FGF14: variants seen among roughly 807,000 people sequenced by gnomAD.
The protein encoded by FGF14 is fibroblast growth factor 14, also known as fibroblast growth factor homologous factor 4.
A neutral mutation model predicts 25.5 loss-of-function variants in FGF14; 5 were observed. The ratio of observed to expected loss-of-function variants is 0.20; its 90% CI spans 0.10 to 0.41. FGF14 has a LOEUF of 0.41. Among genes scored for constraint, FGF14 ranks in the 10% least tolerant of loss-of-function variants. FGF14 has a pLI of 1.00. For missense variants in FGF14, 222 were observed against 320.1 expected (o/e 0.69, Z 2.34); for synonymous variants, 138 against 118.3 (o/e 1.17, Z -1.08).
chr13:102,039,719 T>C (rs1398658690), intron 1 of FGF14, among the ~76,000 whole-genome samples: 3 of 152,132 alleles, frequency 2.0e-5, no homozygotes, highest in Non-Finnish European at 4.4e-5. Flanking sequence ...TATGGTCACA[T>C]TAATAGGCAC....
chr13:102,047,718 T>C (rs530240726), intron 1 of FGF14, among the ~76,000 whole-genome samples: 20 of 152,148 alleles, frequency 1.3e-4, no homozygotes, highest in Non-Finnish European at 2.4e-4. Context: ...TTAGGAGATA[T>C]ACCTAATGCT....
At chr13:102,347,915 ATTT>A (rs2057159495) in intron 1 of FGF14, among the ~76,000 whole-genome samples, 1 of 152,124 alleles carries the variant, frequency 6.6e-6, no homozygotes, top group Non-Finnish European at 1.5e-5. Flanking sequence ...GGCAATCTCT[ATTT>A]ATAACAAAAA....
In FGF14 at chr13:101,763,415, T is replaced by C. The variant is rs116179520; in HGVS notation, c.409-36605A>G. On this transcript the variant is annotated intron_variant, in intron 3 of 4. Coordinates refer to ENST00000376143, the MANE Select transcript of FGF14 (RefSeq NM_004115.4). ...ATGAACAGTATTTTAAGGACCTAGTTCTTTTTTTCCTAATAAGGAAATACC... is the reference window on the plus strand; with the variant it reads ...ATGAACAGTATTTTAAGGACCTAGTCCTTTTTTTCCTAATAAGGAAATACC... Among the ~76,000 whole-genome samples the C allele has an allele frequency of 4.0e-3, 614 of 152,328 alleles. 5 individuals carry two copies. The highest frequency in any genetic ancestry group is 0.014 in the African/African-American group (597 of 41,580).
chr13:101,884,195 G>A (rs2045875793), intron 1 of FGF14, among the ~76,000 whole-genome samples: 1 of 151,816 alleles, frequency 6.6e-6, no homozygotes, highest in African/African-American at 2.4e-5. Flanking sequence ...CTCTCACGCT[G>A]CCCAGGTACC....
chr13:102,324,590 T>C (rs772856576), intron 1 of FGF14, among the ~76,000 whole-genome samples: 7 of 152,162 alleles, frequency 4.6e-5, no homozygotes, highest in East Asian at 1.9e-4. Context: ...TTTGACACAG[T>C]GGCTAGAACA....
chr13:102,315,566 A>T (rs769894336), intron 1 of FGF14, among the ~76,000 whole-genome samples: 5 of 152,162 alleles, frequency 3.3e-5, no homozygotes, highest in Non-Finnish European at 7.4e-5. Context: ...CAAAAAGGGA[A>T]CTCAATGGCA....
chr13:102,029,782 T>G (rs2041119275), intron 1 of FGF14, among the ~76,000 whole-genome samples: 1 of 152,152 alleles, frequency 6.6e-6, no homozygotes, highest in South Asian at 2.1e-4. Context: ...AACTGATGTT[T>G]TCTTTGGGAG....
chr13:102,394,566 C>T (rs752209476), intron 1 of FGF14: 2 of 152,268 alleles, frequency 1.3e-5, no homozygotes, highest in African/African-American at 2.4e-5. Flanking sequence ...GGTCAGAGGT[C>T]ATCTCCGTGG....
rs148833784 is a variant in FGF14, at chr13:101,755,517, A to G, written c.409-28707T>C. Among the ~76,000 whole-genome samples, 8 of 152,288 alleles carry G rather than the reference A, an allele frequency of 5.3e-5. No homozygotes were observed. The East Asian group carries it at 1.5e-3, about 29-fold the overall frequency. On this transcript the variant is annotated intron_variant, in intron 3 of 4. Transcript: ENST00000376143. ...TCTCTTCCAAAAAAAATGAGTAAAT[A>G]AAAAATAATGATCAAAAGAGTTGGC...
intron 1 of FGF14, among the ~76,000 whole-genome samples, chr13:102,011,486 C>T (rs1219643462): frequency 2.7e-5 from 4 of 150,328 alleles, no homozygotes; most frequent in African/African-American, 9.8e-5. Flanking sequence ...CTTTGCCATA[C>T]GCAGGAGTAT....
intron 3 of FGF14, among the ~76,000 whole-genome samples, chr13:101,807,251 T>C (rs1322702): frequency 0.88 from 133,550 of 152,116 alleles, 58,885 homozygotes; most frequent in Non-Finnish European, 0.92. Context: ...ATTTTGATCA[T>C]TGAAAAGAAT....
intron 1 of FGF14, among the ~76,000 whole-genome samples, chr13:102,152,633 G>A (rs925101695): frequency 6.6e-6 from 1 of 152,176 alleles, no homozygotes; most frequent in Non-Finnish European, 1.5e-5. Context: ...CAATACTGGT[G>A]TCAGGGAATT....
At chr13:101,879,752 T>TG (rs1027551833) in intron 1 of FGF14, among the ~76,000 whole-genome samples, 1 of 113,906 alleles carries the variant, frequency 8.8e-6, no homozygotes, top group African/African-American at 3.6e-5. Flanking sequence ...CTATTAGCTA[T>TG]GGAAAAAATC....
At position 101,754,722 on chromosome 13, in the gene FGF14, C is replaced by T. The variant is rs552542781; in HGVS notation, c.409-27912G>A. ...CCAGCCTGGGTGACGAAGTAAGACT[C>T]CATAACAAAAAGAAAAAAATAATAA... On this transcript the variant is annotated intron_variant, in intron 3 of 4. Coordinates refer to ENST00000376143, the MANE Select transcript of FGF14 (RefSeq NM_004115.4). 4.7e-4 allele frequency among the ~76,000 whole-genome samples: 71 copies of T among 152,028 alleles called. 1 individual carries two copies. In the Middle Eastern group the frequency reaches 0.024, roughly 51 times the overall value.
chr13:102,145,343 C>A (rs576331900), intron 1 of FGF14, among the ~76,000 whole-genome samples: 1 of 152,048 alleles, frequency 6.6e-6, no homozygotes, highest in African/African-American at 2.4e-5. Flanking sequence ...TGTTGGGTGA[C>A]GTCTGGATCT....
intron 3 of FGF14, among the ~76,000 whole-genome samples, chr13:101,866,576 T>G (rs900250242): frequency 6.9e-6 from 1 of 145,416 alleles, no homozygotes; most frequent in South Asian, 2.2e-4. Context: ...ATCATCACTA[T>G]TGTTATTGTA....
intron 1 of FGF14, among the ~76,000 whole-genome samples, chr13:102,303,953 A>C (rs921376349): frequency 6.6e-6 from 1 of 152,188 alleles, no homozygotes; most frequent in African/African-American, 2.4e-5. Context: ...CAATTAGTAT[A>C]TCTTTATTCA....
intron 1 of FGF14, among the ~76,000 whole-genome samples, chr13:102,020,582 AAAAG>A (rs2040589332): frequency 1.3e-5 from 2 of 151,444 alleles, no homozygotes; most frequent in South Asian, 2.1e-4. Flanking sequence ...GGAAGGAAAC[AAAAG>A]AGAGAGAGAG....
At chr13:102,135,118 A>C (rs1305145367) in intron 1 of FGF14, among the ~76,000 whole-genome samples, 2 of 152,118 alleles carry the variant, frequency 1.3e-5, no homozygotes, top group African/African-American at 4.8e-5. Context: ...GGAGGCAAGA[A>C]GATGACTTAA....
Sources: allele counts gnomAD v4.1 joint callset (sites outside exome capture counted in the v4.1 genomes callset), GRCh38; gene constraint gnomAD v4.1.1; transcripts MANE v1.5; gene names NCBI Gene and HGNC (gene_info 2026-07-23, HGNC 2026-07-21).